MASP1: variants seen among roughly 807,000 people sequenced by gnomAD.
The protein encoded by MASP1 is mannan-binding lectin serine protease 1.
A neutral mutation model predicts 77.1 loss-of-function variants in MASP1; 59 were observed. The observed-to-expected ratio is 0.77, with a 90% CI of 0.62 to 0.95. The LOEUF is 0.95. MASP1 is among the 40% of genes least tolerant of loss of function. The pLI is 0.00. For synonymous variants in MASP1, 362 were observed against 354.5 expected (o/e 1.02, Z -0.24); for missense variants, 885 against 912.9 (o/e 0.97, Z 0.39).
At chr3:187,243,659 G>C (rs376240602) in intron 8 of MASP1, 38 bp from the exon 9 acceptor site, 22 of 1,613,084 alleles carry the variant, frequency 1.4e-5, no homozygotes, top group Non-Finnish European at 1.7e-5. Flanking sequence ...ACTGCCTTTT[G>C]CTCATCCTCC....
chr3:187,274,015 C>G (rs1197958475), intron 2 of MASP1, among the ~76,000 whole-genome samples: 1 of 152,172 alleles, frequency 6.6e-6, no homozygotes, highest in African/African-American at 2.4e-5. Flanking sequence ...CAAGACCAGC[C>G]TGGCCAACAT....
At chr3:187,247,487 GT>G in intron 8 of MASP1, 1 of 1,297,922 alleles carries the variant, frequency 7.7e-7, no homozygotes, top group Non-Finnish European at 1.1e-6. Flanking sequence ...AGCAGAAACA[GT>G]TTATGCAGGA....
At chr3:187,229,998 T>G, downstream of MASP1, 1 of 1,392,610 alleles carries the variant, frequency 7.2e-7, no homozygotes, top group Non-Finnish European at 9.8e-7. Flanking sequence ...ACATCTATTA[T>G]TTTTGCTCCT....
At chr3:187,275,053 G>C (rs565221887) in intron 2 of MASP1, among the ~76,000 whole-genome samples, 8 of 152,310 alleles carry the variant, frequency 5.3e-5, no homozygotes, top group Admixed American at 3.3e-4. Flanking sequence ...GAATGGCTCA[G>C]ACTCCCCCAC....
chr3:187,225,237 A>T (rs1712343355), intron 13 of MASP1: 17 of 1,457,566 alleles, frequency 1.2e-5, no homozygotes, highest in Admixed American at 1.7e-5. Context: ...CAGCTGACTT[A>T]ATTGGCACCA....
intron 3 of MASP1, 82 bp downstream of exon 3, chr3:187,262,461 T>A: frequency 7.3e-7 from 1 of 1,369,340 alleles, no homozygotes; most frequent in Non-Finnish European, 1.0e-6. Flanking sequence ...CAGATTTCCA[T>A]CGTAAAGGAG....
Position 187,236,266 on chromosome 3 carries a change from TGAGCTGTTGACTGCCCCC to T in MASP1, c.1587_1604del (p.Gly530_Ser535del). ...CTGGGTGGAGCACCACTCGGGCAGCTGAGCTGTTGACTGCCCCCGATTTGTCTCGCACATCATGCAAGC... is the reference window on the plus strand; with the variant it reads ...CTGGGTGGAGCACCACTCGGGCAGCTGATTTGTCTCGCACATCATGCAAGC... On this transcript the variant is annotated inframe_deletion, in exon 11 of 11. Coordinates refer to ENST00000296280, the MANE Select transcript of MASP1 (RefSeq NM_139125.4). The T allele has an allele frequency of 1.2e-6, 2 of 1,614,244 alleles. No individual in the cohort carries two copies. The highest frequency in any genetic ancestry group is 4.5e-5 in the East Asian group (2 of 44,882).
intron 2 of MASP1, among the ~76,000 whole-genome samples, chr3:187,266,819 G>A (rs1221989934): frequency 3.9e-5 from 6 of 152,160 alleles, no homozygotes; most frequent in Non-Finnish European, 8.8e-5. Context: ...AGGGCAGCTG[G>A]GATTGGCCAA....
At chr3:187,256,584 G>A in intron 5 of MASP1, 80 bp downstream of exon 5, 2 of 1,349,014 alleles carry the variant, frequency 1.5e-6, no homozygotes, top group Non-Finnish European at 2.1e-6. Context: ...AGAAGAAGGT[G>A]AAGGTTCCGC....
At chr3:187,237,279 T>G (rs1241162035) in intron 10 of MASP1, among the ~76,000 whole-genome samples, 1 of 152,260 alleles carries the variant, frequency 6.6e-6, no homozygotes, top group Non-Finnish European at 1.5e-5. Context: ...GTAAACCTCC[T>G]GAGTTTAAGT....
At chr3:187,242,730 C>G (rs1713759223) in intron 9 of MASP1, 1 of 154,122 alleles carries the variant, frequency 6.5e-6, no homozygotes, top group African/African-American at 2.4e-5. Context: ...CCCAGTTCCT[C>G]CCAAACCCCC....
Position 187,234,904 on chromosome 3 carries a change from T to C in MASP1, c.*780A>G, listed in dbSNP as rs765279628. ...TGTGGACGCCCATGGTGTCAGCTGG[T>C]GTTCCAGGGTGGCATATGGGCCCAA... On this transcript the variant is annotated 3_prime_UTR_variant, in exon 11 of 11. Coordinates refer to ENST00000296280, the MANE Select transcript of MASP1 (RefSeq NM_139125.4). 1.6e-6 allele frequency: 2 copies of C among 1,287,162 alleles called. No homozygotes were observed. The highest frequency in any genetic ancestry group is 2.5e-5 in the South Asian group (2 of 80,934). The allele number at this position is 1,287,162 out of a possible 1,614,324, so 79.7% of individuals were successfully genotyped here.
chr3:187,250,452 A>T, intron 7 of MASP1, 123 bp from the exon 8 acceptor site: 1 of 790,768 alleles, frequency 1.3e-6, no homozygotes, highest in Non-Finnish European at 2.3e-6. Context: ...TTTTCCACCC[A>T]TGGGCTTCCA....
chr3:187,270,936 G>A (rs928298583), intron 2 of MASP1, among the ~76,000 whole-genome samples: 1 of 152,172 alleles, frequency 6.6e-6, no homozygotes, highest in African/African-American at 2.4e-5. Context: ...CATCTCATTG[G>A]GCCCAGCTCA....
At chr3:187,238,431 T>A (rs1284311314) in intron 10 of MASP1, among the ~76,000 whole-genome samples, 1 of 152,246 alleles carries the variant, frequency 6.6e-6, no homozygotes. Flanking sequence ...AGAGGCTGAA[T>A]GATTCAACAA....
rs766084598 is a variant in MASP1, at chr3:187,262,603, G to A, written c.355C>T (p.Arg119Trp). 17 of 1,613,990 alleles carry A rather than the reference G, an allele frequency of 1.1e-5. No homozygotes were observed. Among genetic ancestry groups the A allele is most frequent in the East Asian group, 6.7e-5 (3 of 44,882 alleles). The part of the protein sequence containing the change: ...SPGSFMSITF[R>W]SDFSNEERFT... ...CGCTCCTCATTGGAGAAATCTGACC[G>A]GAAAGTGATGGACATGAAGGAGCCA... Residue 119 changes from arginine (R) to tryptophan (W), a missense_variant, in exon 3 of 11, where the codon CGG becomes TGG. Physicochemically the swap from Arg to Trp is moderately radical, Grantham distance 101 (BLOSUM62 -3). Transcript: ENST00000296280.
intron 8 of MASP1, chr3:187,244,616 G>C (rs1196803847): frequency 1.3e-5 from 2 of 152,230 alleles, no homozygotes; most frequent in Non-Finnish European, 2.9e-5. Flanking sequence ...GCCCAGAGAG[G>C]AGACTTGACT....
chr3:187,221,165 C>T (rs1419651895), intron 14 of MASP1: 5 of 1,560,144 alleles, frequency 3.2e-6, no homozygotes, highest in Non-Finnish European at 4.4e-6. Context: ...TGGTCCTCAT[C>T]CCCGGCTGAG....
chr3:187,239,519 C>T (rs1713457006), intron 10 of MASP1, among the ~76,000 whole-genome samples: 1 of 152,220 alleles, frequency 6.6e-6, no homozygotes, highest in Non-Finnish European at 1.5e-5. Flanking sequence ...GGGCTTCTTC[C>T]CCTTCCAGAG....
Sources: allele counts gnomAD v4.1 joint callset (sites outside exome capture counted in the v4.1 genomes callset), GRCh38; gene constraint gnomAD v4.1.1; transcripts MANE v1.5; gene names NCBI Gene and HGNC (gene_info 2026-07-23, HGNC 2026-07-21).